Variants in TMCO6 observed in about 807,000 individuals in gnomAD.
The protein encoded by TMCO6 is transmembrane and coiled-coil domain-containing protein 6.
TMCO6 carries 47 observed loss-of-function variants against 61.8 expected under a neutral mutation model. That is an observed-to-expected ratio of 0.76 (90% CI 0.60 to 0.97). TMCO6 has a LOEUF of 0.97. Ranked by LOEUF, TMCO6 falls within the 50% of genes least tolerant of loss-of-function variation. The probability of loss-of-function intolerance (pLI) is 0.00; values close to 1 mark genes in which losing one functional copy is unlikely to be tolerated. For synonymous variants in TMCO6, 261 were observed against 254.2 expected (o/e 1.03, Z -0.25); for missense variants, 557 against 601.6 (o/e 0.93, Z 0.78).
the TMCO6 span, among the ~76,000 whole-genome samples, chr5:140,601,671 G>A: frequency 2.0e-5 from 3 of 152,324 alleles, no homozygotes; most frequent in Admixed American, 1.3e-4. Flanking sequence ...ATGACGTAAA[G>A]CAGTGTTTCT....
chr5:140,620,228 A>G, the TMCO6 span, among the ~76,000 whole-genome samples: 1,634 of 152,338 alleles, frequency 0.011, 14 homozygotes, highest in Non-Finnish European at 0.018. Context: ...ATCAAAAGAC[A>G]TGGAAAAAAC....
At chr5:140,646,442 T>C (rs967352756), downstream of TMCO6, among the ~76,000 whole-genome samples, 1 of 152,162 alleles carries the variant, frequency 6.6e-6, no homozygotes, top group Non-Finnish European at 1.5e-5. Flanking sequence ...CTTCTCCAAT[T>C]ATTAGTGCAT....
At chr5:140,616,519 G>A in the TMCO6 span, among the ~76,000 whole-genome samples, 77 of 152,280 alleles carry the variant, frequency 5.1e-4, no homozygotes, top group African/African-American at 1.8e-3. Flanking sequence ...CTATGATCAC[G>A]CCACTGCACT....
At chr5:140,617,965 A>C in the TMCO6 span, among the ~76,000 whole-genome samples, 1 of 152,164 alleles carries the variant, frequency 6.6e-6, no homozygotes, top group Non-Finnish European at 1.5e-5. Context: ...AGCCAACATA[A>C]TATTGAACGG....
At chr5:140,632,542 G>T in the TMCO6 span, 1 of 1,614,150 alleles carries the variant, frequency 6.2e-7, no homozygotes, top group Non-Finnish European at 8.5e-7. The surrounding 1 kb of genome is among the most constrained non-coding windows in gnomAD (Gnocchi z 6.2). Flanking sequence ...TTGCGTAGGC[G>T]CAAGCTGGAA....
rs1317749380 is a variant in TMCO6 at position 140,644,741 on chromosome 5, G to A, written c.1368+1G>A. ...TCTGCTGTTCCTGTATCAGCCAGAG[G>A]TATAGGTTTCTGGCCCACATCCTCA... On this transcript the variant is annotated splice_donor_variant, in intron 11 of 11. Transcript: ENST00000394671. LOFTEE classifies it high-confidence loss of function. 2 of 1,614,116 alleles carry A rather than the reference G, an allele frequency of 1.2e-6. No individual in the cohort carries two copies. Among genetic ancestry groups the A allele is most frequent in the East Asian group, 2.2e-5 (1 of 44,886 alleles).
chr5:140,647,567 G>A (rs745915609), downstream of TMCO6: 17 of 1,610,582 alleles, frequency 1.1e-5, no homozygotes, highest in Non-Finnish European at 1.4e-5. Flanking sequence ...TCCTCGACTT[G>A]CTGCGGCCGC....
the TMCO6 span, among the ~76,000 whole-genome samples, chr5:140,603,475 T>C: frequency 2.6e-5 from 4 of 151,978 alleles, no homozygotes; most frequent in Non-Finnish European, 4.4e-5. Flanking sequence ...ACTCAGCTAA[T>C]TTTTGTATTT....
the TMCO6 span, chr5:140,632,369 A>C: frequency 3.1e-6 from 5 of 1,614,062 alleles, no homozygotes; most frequent in Non-Finnish European, 4.2e-6. This position sits in a 1 kb window ranked among gnomAD's most constrained non-coding sequence, Gnocchi z 6.2. Flanking sequence ...CGCCCAGTCC[A>C]GGATTGTCAG....
At chr5:140,644,525 G>A in intron 10 of TMCO6, 48 bp from the exon 11 acceptor site, 4 of 1,596,770 alleles carry the variant, frequency 2.5e-6, no homozygotes, top group Non-Finnish European at 3.4e-6. Flanking sequence ...CTATTGTTAT[G>A]ATCTTTGTGT....
the TMCO6 span, chr5:140,631,946 G>A: frequency 1.2e-6 from 2 of 1,613,060 alleles, no homozygotes; most frequent in East Asian, 4.5e-5. Context: ...GGACCACGCC[G>A]GAGTTCATTG....
At chr5:140,610,187 A>G in the TMCO6 span, among the ~76,000 whole-genome samples, 1 of 16,124 alleles carries the variant, frequency 6.2e-5, no homozygotes, top group Non-Finnish European at 1.8e-4. Flanking sequence ...CATTTCTACT[A>G]AAAAAAAAAA....
Position 140,644,974 on chromosome 5 carries a change from C to T in TMCO6, c.1369-11C>T. The T allele has an allele frequency of 6.2e-7, 1 of 1,613,660 alleles. No individual in the cohort carries two copies. The highest frequency in any genetic ancestry group is 8.5e-7 in the Non-Finnish European group (1 of 1,179,666). ...AGACCAGGTGTGTTGAATTTTCTTC[C>T]CTGCCCCTAGGCTGTTCAGGTCTTC... On this transcript the variant is annotated splice_polypyrimidine_tract_variant and intron_variant, in intron 11 of 11. Transcript: ENST00000394671.
At chr5:140,601,596 C>A in the TMCO6 span, among the ~76,000 whole-genome samples, 1 of 152,116 alleles carries the variant, frequency 6.6e-6, no homozygotes, top group African/African-American at 2.4e-5. Context: ...GTTCTGTCAC[C>A]CAGGCTGGGG....
chr5:140,600,175 T>G, the TMCO6 span, among the ~76,000 whole-genome samples: 1 of 152,170 alleles, frequency 6.6e-6, no homozygotes, highest in Admixed American at 6.5e-5. Flanking sequence ...TTTATATCTT[T>G]CAGTTATAGT....
chr5:140,632,482 G>A, the TMCO6 span: 2 of 1,614,072 alleles, frequency 1.2e-6, no homozygotes, highest in South Asian at 2.2e-5. This position sits in a 1 kb window ranked among gnomAD's most constrained non-coding sequence, Gnocchi z 6.2. Context: ...CCTGGCTTGA[G>A]CCACTGCTGC....
the TMCO6 span, among the ~76,000 whole-genome samples, chr5:140,623,494 T>C: frequency 6.6e-6 from 1 of 152,056 alleles, no homozygotes; most frequent in Non-Finnish European, 1.5e-5. Context: ...CCAGTGCACC[T>C]AAATAATTAA....
the TMCO6 span, among the ~76,000 whole-genome samples, chr5:140,597,942 T>TTGAG: frequency 3.9e-5 from 6 of 152,228 alleles, no homozygotes; most frequent in Non-Finnish European, 8.8e-5. Flanking sequence ...GATGTATCTC[T>TTGAG]AGTCCTGGAA....
chr5:140,639,985 CAG>C (rs998628474), intron 2 of TMCO6, 134 bp downstream of exon 2: 31 of 705,296 alleles, frequency 4.4e-5, no homozygotes, highest in Non-Finnish European at 5.7e-5. Context: ...AAGCCAGAAA[CAG>C]GGGAATCATC....
Sources: allele counts gnomAD v4.1 joint callset (sites outside exome capture counted in the v4.1 genomes callset), GRCh38; gene constraint gnomAD v4.1.1; non-coding constraint Gnocchi (gnomAD v3.1); transcripts MANE v1.5; gene names NCBI Gene and HGNC (gene_info 2026-07-23, HGNC 2026-07-21).